The following MCTP1 variants were observed in gnomAD, a reference collection of about 807,000 sequenced individuals.
MCTP1 encodes the protein multiple C2 and transmembrane domain-containing protein 1.
Under a neutral mutation model 120.6 loss-of-function variants are expected in MCTP1, and 69 were observed. That is an observed-to-expected ratio of 0.57 (90% CI 0.47 to 0.70). The LOEUF is 0.70. Ranked by LOEUF, MCTP1 falls within the 30% of genes least tolerant of loss-of-function variation. The pLI, the probability that MCTP1 is intolerant of heterozygous loss-of-function variation, is 0.00. For synonymous variants in MCTP1, 529 were observed against 493.1 expected, an observed-to-expected ratio of 1.07 and a Z score of -0.96; for missense variants, 1,203 against 1,248.8, an observed-to-expected ratio of 0.96 and a Z score of 0.55.
intron 1 of MCTP1, among the ~76,000 whole-genome samples, chr5:95,034,021 G>C (rs1840785520): frequency 6.6e-6 from 1 of 151,908 alleles, no homozygotes. Flanking sequence ...AACCAAAGAG[G>C]TAAAAGATCT....
In MCTP1 at chr5:94,744,510, A is replaced by ATTT. The variant is rs34436221; in HGVS notation, c.2611-29627_2611-29625dup. On this transcript the variant is annotated intron_variant, in intron 19 of 22. Coordinates refer to ENST00000515393, the MANE Select transcript of MCTP1 (RefSeq NM_024717.7). ...GGATCTCAGTTTTGGTTTCACTAAC[A>ATTT]TTTTTTTTTTTGAGACAGAGTCTTG... Among the ~76,000 whole-genome samples the ATTT allele has an allele frequency of 4.9e-3, 726 of 148,118 alleles. 4 individuals carry two copies. The highest frequency in any genetic ancestry group is 0.024 in the Middle Eastern group (7 of 288).
intron 1 of MCTP1, among the ~76,000 whole-genome samples, chr5:95,056,751 C>T (rs1311779823): frequency 1.3e-5 from 2 of 152,064 alleles, no homozygotes; most frequent in Admixed American, 6.6e-5. Context: ...GTAATAATTC[C>T]TATCTTAGTG....
intron 18 of MCTP1, among the ~76,000 whole-genome samples, chr5:94,797,196 G>C (rs1224135102): frequency 6.6e-6 from 1 of 152,050 alleles, no homozygotes; most frequent in Non-Finnish European, 1.5e-5. Context: ...AACCAAGCCA[G>C]GTATATTCTG....
At chr5:94,887,645 A>G (rs577517574) in intron 12 of MCTP1, among the ~76,000 whole-genome samples, 2 of 152,170 alleles carry the variant, frequency 1.3e-5, no homozygotes, top group Non-Finnish European at 2.9e-5. Flanking sequence ...AATATTACAA[A>G]CTACCCACTC....
chr5:94,927,494 A>T (rs1052591296), intron 6 of MCTP1, among the ~76,000 whole-genome samples: 1 of 152,208 alleles, frequency 6.6e-6, no homozygotes, highest in Non-Finnish European at 1.5e-5. Flanking sequence ...GGCACCTAAG[A>T]AAAGCCATTT....
At chr5:95,051,719 G>A (rs1322701035) in intron 1 of MCTP1, among the ~76,000 whole-genome samples, 1 of 152,150 alleles carries the variant, frequency 6.6e-6, no homozygotes, top group Non-Finnish European at 1.5e-5. Flanking sequence ...GAAATGATGA[G>A]ATCATGTCCT....
At chr5:94,964,450 T>C (rs1825114282) in intron 2 of MCTP1, among the ~76,000 whole-genome samples, 2 of 152,150 alleles carry the variant, frequency 1.3e-5, no homozygotes, top group South Asian at 4.1e-4. Flanking sequence ...AGTAGGGCAT[T>C]GAAGTCCCCT....
chr5:95,247,805 T>C (rs1267591334), intron 1 of MCTP1, among the ~76,000 whole-genome samples: 1 of 152,202 alleles, frequency 6.6e-6, no homozygotes, highest in African/African-American at 2.4e-5. Context: ...AGTGTTTTAC[T>C]TCCAATTATG....
intron 2 of MCTP1, among the ~76,000 whole-genome samples, chr5:94,992,470 C>G (rs1424070557): frequency 6.6e-6 from 1 of 152,142 alleles, no homozygotes; most frequent in East Asian, 1.9e-4. Context: ...GGTCTGACAC[C>G]AGACCTGTGC....
chr5:95,048,407 T>C (rs1162148428), intron 1 of MCTP1, among the ~76,000 whole-genome samples: 1 of 152,212 alleles, frequency 6.6e-6, no homozygotes, highest in Non-Finnish European at 1.5e-5. Flanking sequence ...AAAGAATTTA[T>C]GCCCACTGTT....
intron 19 of MCTP1, among the ~76,000 whole-genome samples, chr5:94,720,323 A>C (rs1760600046): frequency 6.6e-6 from 1 of 152,068 alleles, no homozygotes; most frequent in Non-Finnish European, 1.5e-5. Context: ...AACATGTCAA[A>C]AGTCATAAAT....
chr5:94,768,524 C>G (rs1773328221), intron 19 of MCTP1, among the ~76,000 whole-genome samples: 1 of 151,966 alleles, frequency 6.6e-6, no homozygotes, highest in African/African-American at 2.4e-5. Flanking sequence ...ACAAAGAACT[C>G]AAACAACTCA....
At chr5:95,247,265 A>G (rs1036854058) in intron 1 of MCTP1, among the ~76,000 whole-genome samples, 2 of 151,804 alleles carry the variant, frequency 1.3e-5, no homozygotes, top group African/African-American at 4.8e-5. Flanking sequence ...TATTGCATCT[A>G]TTTGATTCTT....
intron 1 of MCTP1, among the ~76,000 whole-genome samples, chr5:95,270,542 G>A (rs1041463795): frequency 2.0e-5 from 3 of 150,890 alleles, no homozygotes; most frequent in African/African-American, 7.3e-5. Context: ...CAGGCCAGAG[G>A]CGAGATGGCA....
chr5:95,106,405 G>C (rs777029626), intron 1 of MCTP1, among the ~76,000 whole-genome samples: 1 of 152,196 alleles, frequency 6.6e-6, no homozygotes, highest in Admixed American at 6.5e-5. Context: ...ACTCAGAGGA[G>C]AGCAGACCCC....
intron 1 of MCTP1, among the ~76,000 whole-genome samples, chr5:95,257,163 A>C (rs1467382185): frequency 3.3e-5 from 5 of 152,128 alleles, no homozygotes; most frequent in Non-Finnish European, 5.9e-5. Flanking sequence ...TTTGCCAGGA[A>C]ATTTCCATCA....
At chr5:95,226,259 T>G (rs558751889) in intron 1 of MCTP1, among the ~76,000 whole-genome samples, 3 of 152,298 alleles carry the variant, frequency 2.0e-5, no homozygotes, top group South Asian at 2.1e-4. Context: ...TCTTGTTTTT[T>G]GGGGGAAAGC....
chr5:94,895,627 G>GT (rs1439603760), intron 10 of MCTP1, among the ~76,000 whole-genome samples: 4 of 152,316 alleles, frequency 2.6e-5, no homozygotes, highest in Middle Eastern at 3.4e-3. Context: ...AATAAATGTG[G>GT]TAACCTACCA....
chr5:94,806,059 G>A (rs1277194220), intron 17 of MCTP1, among the ~76,000 whole-genome samples: 1 of 151,688 alleles, frequency 6.6e-6, no homozygotes, highest in East Asian at 1.9e-4. Context: ...GTTTGGTATG[G>A]CAAAGAGGTC....
Sources: allele counts gnomAD v4.1 joint callset (sites outside exome capture counted in the v4.1 genomes callset), GRCh38; gene constraint gnomAD v4.1.1; transcripts MANE v1.5; gene names NCBI Gene and HGNC (gene_info 2026-07-23, HGNC 2026-07-21).